LENG8: variants seen among roughly 807,000 people sequenced by gnomAD.
The protein encoded by LENG8 is leukocyte receptor cluster (LRC) member 8.
LENG8 carries 28 observed loss-of-function variants against 102.1 expected under a neutral mutation model. The observed-to-expected ratio is 0.27, with a 90% confidence interval of 0.20 to 0.38. LENG8 has a LOEUF of 0.38. LENG8 is among the 10% of genes least tolerant of loss of function. The probability of loss-of-function intolerance (pLI) is 1.00; values close to 1 mark genes in which losing one functional copy is unlikely to be tolerated. For missense variants in LENG8, 1,022 were observed against 1,113.9 expected, an observed-to-expected ratio of 0.92 and a Z score of 1.17; for synonymous variants, 531 against 456.7, an observed-to-expected ratio of 1.16 and a Z score of -2.07.
At chr19:54,459,819 C>A in intron 15 of LENG8, 1 of 1,156,136 alleles carries the variant, frequency 8.6e-7, no homozygotes, top group African/African-American at 1.6e-5. Flanking sequence ...AGCTCCATGA[C>A]CAGCTTGGGA....
At chr19:54,457,375 CTG>C (rs1440712843) in intron 11 of LENG8, among the ~76,000 whole-genome samples, 1 of 152,224 alleles carries the variant, frequency 6.6e-6, no homozygotes. Context: ...GAGTCTGGCT[CTG>C]TCGCCCAAGC....
chr19:54,456,095 C>T lies in LENG8; in HGVS notation c.1154C>T (p.Pro385Leu), dbSNP rs994354991. 5 of 1,608,900 alleles carry T rather than the reference C, an allele frequency of 3.1e-6. No individual in the cohort carries two copies. The African/African-American group carries it at 6.7e-5, about 22-fold the overall frequency. ...GGGAPSQRGT[P>L]GAGGAGRARG... ...GGTGCCCCGTCCCAGCGAGGGACGC[C>T]CGGGGCTGGGGGTGCCGGTCGAGCC... Residue 385 changes from proline to leucine, a missense_variant, in exon 9 of 16, where the codon CCC (proline) becomes CTC (leucine). Pro to Leu is a moderately conservative substitution (Grantham distance 98). Around this residue, in one of 7 missense-constraint regions of LENG8, gnomAD observed 326 missense variants for 324.5 expected, o/e 1.00. Transcript: ENST00000326764.
chr19:54,455,617 T>C (rs772793725), intron 8 of LENG8, 50 bp downstream of exon 8: 15 of 1,515,428 alleles, frequency 9.9e-6, no homozygotes, highest in East Asian at 9.5e-5. Flanking sequence ...GTGAGAGGCA[T>C]GGGCTGGGTA....
At chr19:54,458,581 C>T (rs565010203) in intron 15 of LENG8, 60 bp downstream of exon 15, 4 of 1,607,226 alleles carry the variant, frequency 2.5e-6, no homozygotes, top group African/African-American at 2.7e-5. Context: ...CTCGCACCGC[C>T]CCTCAGACCA....
intron 5 of LENG8, among the ~76,000 whole-genome samples, chr19:54,454,219 T>G (rs1031503571): frequency 2.0e-5 from 3 of 152,300 alleles, no homozygotes; most frequent in Admixed American, 6.5e-5. Context: ...GCTTAGTCTC[T>G]GAGCTGGAGC....
Position 54,461,926 on chromosome 19 carries a change from C to T in LENG8, c.*998C>T. 4.3e-6 allele frequency: 4 copies of T among 934,232 alleles called. No individual in the cohort carries two copies. The highest frequency in any genetic ancestry group is 7.1e-6 in the Non-Finnish European group (4 of 563,520). The allele number at this position is 934,232 out of a possible 1,614,324, so 57.9% of individuals were successfully genotyped here. ...TCTGCCTCCCCTTCCCCTCCTCTCC[C>T]CTCCTTTTCCTTCCTTCCTTCCTTT... is the stretch of plus-strand genomic sequence containing the variant. On this transcript the variant is annotated 3_prime_UTR_variant, in exon 16 of 16. Transcript: ENST00000326764.
At position 54,454,953 on chromosome 19, in the gene LENG8, G is replaced by T; in HGVS notation, c.682G>T (p.Ala228Ser). Residue 228 changes from alanine (A) to serine (S), a missense_variant and splice_region_variant, in exon 7 of 16, where the codon GCC (alanine) becomes TCC (serine). This residue lies in a region of LENG8 where 343 missense variants were observed against 320.2 expected (regional missense o/e 1.07). Coordinates refer to ENST00000326764, the MANE Select transcript of LENG8 (RefSeq NM_052925.4). The stretch of plus-strand genomic sequence containing the variant: ...CATAGCTTTCGCTGCCCTCACAGCC[G>T]CCCCTGGGACTGGAGGTCTCAAGTT... ...GQQLWNRMKP[A>S]PGTGGLKFNI... 1 of 1,614,094 alleles carries T rather than the reference G, an allele frequency of 6.2e-7. No individual in the cohort carries two copies. Among genetic ancestry groups the T allele is most frequent in the Non-Finnish European group, 8.5e-7 (1 of 1,180,010 alleles).
intron 15 of LENG8, chr19:54,459,425 G>C (rs538585419): frequency 1.0e-6 from 1 of 991,492 alleles, no homozygotes; most frequent in African/African-American, 1.7e-5. Context: ...CTCCACGTGA[G>C]GTCATGGTCA....
chr19:54,452,707 C>T lies in LENG8; in HGVS notation c.270C>T (p.Tyr90=), dbSNP rs1317051104. The T allele has an allele frequency of 5.0e-6, 8 of 1,614,060 alleles. No individual in the cohort carries two copies. Among genetic ancestry groups the T allele is most frequent in the Non-Finnish European group, 5.9e-6 (7 of 1,179,924 alleles). The change falls in exon 4 of 16, where the codon TAC becomes TAT. Residue 90 remains tyrosine (Y), a synonymous_variant. Transcript: ENST00000326764. ...ALQQQQYYQW[Y]QQYNYAYPYS... ...AGCAGCAGCAGTACTACCAGTGGTACCAGCAGTACAACTATGCCTACCCCT... is the reference window on the plus strand; with the variant it reads ...AGCAGCAGCAGTACTACCAGTGGTATCAGCAGTACAACTATGCCTACCCCT...
chr19:54,450,809 G>A (rs941023286), intron 1 of LENG8, among the ~76,000 whole-genome samples: 1 of 152,010 alleles, frequency 6.6e-6, no homozygotes, highest in Non-Finnish European at 1.5e-5. Context: ...TAGTAGAGAC[G>A]TGGTTACTCC....
chr19:54,454,768 C>T, intron 6 of LENG8, 86 bp downstream of exon 6: 2 of 1,472,186 alleles, frequency 1.4e-6, no homozygotes, highest in Non-Finnish European at 1.8e-6. Flanking sequence ...TGTGCTGCTC[C>T]TTGTTTCTGG....
chr19:54,460,252 G>T, intron 15 of LENG8: 1 of 1,281,014 alleles, frequency 7.8e-7, no homozygotes, highest in African/African-American at 1.5e-5. Context: ...CTGAGGACCT[G>T]GCTCGTGCTA....
In LENG8 at chr19:54,456,396, C is replaced by T. The variant is rs1318551792; in HGVS notation, c.1376C>T (p.Pro459Leu). ...ECHPVGRRNP[P>L]PKGRGGRGAH... The stretch of plus-strand genomic sequence containing the variant: ...CACCCTGTGGGCCGCAGGAACCCGC[C>T]CCCTAAGGGCCGGGGCGGTCGAGGG... Residue 459 changes from proline to leucine, a missense_variant, in exon 10 of 16, where the codon CCC becomes CTC. By Grantham distance (98) the Pro-to-Leu change is moderately conservative. Transcript: ENST00000326764. 1.2e-6 allele frequency: 2 copies of T among 1,611,874 alleles called. No individual in the cohort carries two copies. The highest frequency in any genetic ancestry group is 8.5e-7 in the Non-Finnish European group (1 of 1,179,912).
rs1569313741 is a variant in LENG8 at position 54,461,748 on chromosome 19, T to G, written c.*820T>G. ...CACGTCATGTTGCCTTCTCTTTTCT[T>G]TGTGTGTGTGTTTATTTAAGTTATT... On this transcript the variant is annotated 3_prime_UTR_variant, in exon 16 of 16. Coordinates refer to ENST00000326764, the MANE Select transcript of LENG8 (RefSeq NM_052925.4). 1.9e-6 allele frequency: 1 copy of G among 531,800 alleles called. No homozygotes were observed. The allele number at this position is 531,800 out of a possible 1,614,324, so 32.9% of individuals were successfully genotyped here.
At chr19:54,453,516 A>C in intron 4 of LENG8, 30 bp from the exon 5 acceptor site, 1 of 1,524,550 alleles carries the variant, frequency 6.6e-7, no homozygotes, top group Non-Finnish European at 9.1e-7. Flanking sequence ...TAGGCCTCCC[A>C]CTAAACCCTC....
Position 54,456,044 on chromosome 19 carries a change from G to A in LENG8, c.1103G>A (p.Gly368Glu), listed in dbSNP as rs1435942970. The A allele has an allele frequency of 1.9e-6, 3 of 1,612,274 alleles. No homozygotes were observed. Among genetic ancestry groups the A allele is most frequent in the Non-Finnish European group, 2.5e-6 (3 of 1,178,946 alleles). ...GCTAGCAGCCTTCACCCTCCTAGAG[G>A]GGCAGGCTCGGCGACAAGGGGCGGG... ...EAASSLHPPR[G>E]AGSATRGGGA... Residue 368 changes from glycine to glutamate, a missense_variant, in exon 9 of 16, where the codon GGG (glycine) becomes GAG (glutamate). By Grantham distance (98) the Gly-to-Glu change is moderately conservative (BLOSUM62 -2). Around this residue, in one of 7 missense-constraint regions of LENG8, gnomAD observed 326 missense variants for 324.5 expected, o/e 1.00. Transcript: ENST00000326764.
In LENG8 at chr19:54,454,980, A is replaced by T; in HGVS notation, c.709A>T (p.Asn237Tyr). 1 of 1,614,184 alleles carries T rather than the reference A, an allele frequency of 6.2e-7. No individual in the cohort carries two copies. The highest frequency in any genetic ancestry group is 8.5e-7 in the Non-Finnish European group (1 of 1,180,022). ...CCCTGGGACTGGAGGTCTCAAGTTC[A>T]ACATCCAGAAGCGACCCTTTGCTGT... ...PAPGTGGLKF[N>Y]IQKRPFAVTT... is the part of the protein sequence containing the mutation. The change falls in exon 7 of 16, where the codon AAC becomes TAC. Residue 237 changes from asparagine (N) to tyrosine (Y), a missense_variant. Transcript: ENST00000326764.
chr19:54,451,980 G>A lies in LENG8; in HGVS notation c.39-113G>A. The A allele has an allele frequency of 3.1e-6, 3 of 961,022 alleles. No individual in the cohort carries two copies. The South Asian group carries it at 4.7e-5, about 15-fold the overall frequency. The allele number at this position is 961,022 out of a possible 1,614,324, so 59.5% of individuals were successfully genotyped here. ...GTACAGATTAGAAAACTTAGGCTTA[G>A]ACTGGTAGTAACAGTTAGATATGGG... On this transcript the variant is annotated intron_variant, in intron 2 of 15. Coordinates refer to ENST00000326764, the MANE Select transcript of LENG8 (RefSeq NM_052925.4).
rs999084310 is a variant in LENG8 at position 54,461,375 on chromosome 19, CGCTGCCT to C, written c.*448_*454del. On this transcript the variant is annotated 3_prime_UTR_variant, in exon 16 of 16. Coordinates refer to ENST00000326764, the MANE Select transcript of LENG8 (RefSeq NM_052925.4). ...GCACCCAGCAAGCCCGCCCACCGCCCGCTGCCTCACCTGCTTCGCCACAGACTCTTGT... is the reference window on the plus strand; with the variant it reads ...GCACCCAGCAAGCCCGCCCACCGCCCCACCTGCTTCGCCACAGACTCTTGT... 1 of 458,408 alleles carries C rather than the reference CGCTGCCT, an allele frequency of 2.2e-6. No individual in the cohort carries two copies. The highest frequency in any genetic ancestry group is 2.0e-5 in the African/African-American group (1 of 50,180). The allele number at this position is 458,408 out of a possible 1,614,324, so 28.4% of individuals were successfully genotyped here.
Sources: gnomAD v4.1 joint callset for allele counts (sites outside exome capture counted in the v4.1 genomes callset) on GRCh38, gnomAD v4.1.1 for gene constraint, gnomAD v4.1.1 regional missense constraint, MANE v1.5 for transcripts, NCBI Gene and HGNC (gene_info 2026-07-23, HGNC 2026-07-21) for gene names.